The following RBM27 variants were observed in gnomAD, a reference collection of about 807,000 sequenced individuals.
RBM27 encodes RNA-binding protein 27.
A neutral mutation model predicts 135.3 loss-of-function variants in RBM27; 22 were observed. That is an observed-to-expected ratio of 0.16 (90% CI 0.12 to 0.23). The LOEUF (loss-of-function observed/expected upper bound fraction) is 0.23, where lower values mean the gene tolerates loss of function less well. RBM27 is among the 10% of genes least tolerant of loss of function. RBM27 has a pLI of 1.00. For missense variants in RBM27, 1,009 were observed against 1,281.0 expected, an observed-to-expected ratio of 0.79 and a Z score of 3.24; for synonymous variants, 481 against 442.4, an observed-to-expected ratio of 1.09 and a Z score of -1.10.
intron 3 of RBM27, among the ~76,000 whole-genome samples, chr5:146,225,243 T>C (rs1756621441): frequency 6.6e-6 from 1 of 152,186 alleles, no homozygotes; most frequent in Non-Finnish European, 1.5e-5. Context: ...AGTACAGGCA[T>C]GAGCCACTGC....
chr5:146,258,660 A>T, intron 11 of RBM27, 67 bp downstream of exon 11: 1 of 1,320,862 alleles, frequency 7.6e-7, no homozygotes, highest in Non-Finnish European at 9.9e-7. Context: ...ATTCATAAAA[A>T]TAAGATTTGT....
rs1483751700 is a variant in RBM27, at chr5:146,287,286, G to T, written c.*1256G>T. 6.6e-6 allele frequency: 1 copy of T among 152,158 alleles called. No homozygotes were observed. Among genetic ancestry groups the T allele is most frequent in the Non-Finnish European group, 1.5e-5 (1 of 67,996 alleles). The allele number at this position is 152,158 out of a possible 1,614,324, so 9.4% of individuals were successfully genotyped here. Reference sequence around the variant, plus strand: ...CTCAGTAGACAGTTTCCTTTACTGTGTGCATTTTTACTGTACACTGTATAG... The same window carrying T: ...CTCAGTAGACAGTTTCCTTTACTGTTTGCATTTTTACTGTACACTGTATAG... On this transcript the variant is annotated 3_prime_UTR_variant, in exon 21 of 21. Transcript: ENST00000265271.
At chr5:146,263,748 T>A in intron 14 of RBM27, 117 bp downstream of exon 14, 1 of 1,180,052 alleles carries the variant, frequency 8.5e-7, no homozygotes, top group Non-Finnish European at 1.2e-6. Flanking sequence ...GTGTGGCAGG[T>A]ATACCTCTCT....
chr5:146,271,824 T>A, intron 19 of RBM27, 150 bp downstream of exon 19: 1 of 655,244 alleles, frequency 1.5e-6, no homozygotes, highest in Non-Finnish European at 2.4e-6. Flanking sequence ...TTAATATATT[T>A]AAAAGTCAAG....
At chr5:146,204,060 A>G (rs2279895) in intron 1 of RBM27, among the ~76,000 whole-genome samples, 37,859 of 151,938 alleles carry the variant, frequency 0.25, 5,183 homozygotes, top group Admixed American at 0.34. Context: ...AGGACAGCGA[A>G]GGCTTTTCAA....
chr5:146,240,067 G>A (rs1757337757), intron 8 of RBM27, among the ~76,000 whole-genome samples: 1 of 152,092 alleles, frequency 6.6e-6, no homozygotes, highest in Admixed American at 6.5e-5. Flanking sequence ...GTGAGCCACT[G>A]TTCCTGGCCT....
intron 11 of RBM27, among the ~76,000 whole-genome samples, chr5:146,259,504 CA>C (rs35438348): frequency 0.27 from 16,912 of 61,848 alleles, 1,157 homozygotes; most frequent in Admixed American, 0.35. Flanking sequence ...AACTCTGTCT[CA>C]AAAAAAAAAA....
rs774833590 is a variant in RBM27, at chr5:146,229,960, C to T, written c.589+50C>T. ...AAACTCTGTAGTTATTTATCTGTCT[C>T]TATCACAGGGGTGCAAGAAATTCTC... On this transcript the variant is annotated intron_variant, in intron 5 of 20. Coordinates refer to ENST00000265271, the MANE Select transcript of RBM27 (RefSeq NM_018989.2). The T allele has an allele frequency of 8.2e-6, 13 of 1,593,970 alleles. No homozygotes were observed. The East Asian group carries it at 2.0e-4, about 25-fold the overall frequency.
chr5:146,237,338 C>G lies in RBM27; in HGVS notation c.1185C>G (p.Asp395Glu). The G allele has an allele frequency of 6.2e-7, 1 of 1,614,158 alleles. No individual in the cohort carries two copies. The highest frequency in any genetic ancestry group is 8.5e-7 in the Non-Finnish European group (1 of 1,180,016). The change falls in exon 8 of 21, where the codon GAC becomes GAG. Residue 395 changes from aspartate to glutamate, a missense_variant. By Grantham distance (45) the Asp-to-Glu change is conservative (BLOSUM62 2). Coordinates refer to ENST00000265271, the MANE Select transcript of RBM27 (RefSeq NM_018989.2). ...ITQSSLINSRDQPGTSAVPNL... is the reference protein window; with the variant it reads ...ITQSSLINSREQPGTSAVPNL... ...AATCAAGCTTGATAAACAGCCGTGA[C>G]CAGCCTGGGACAAGTGCAGTGCCCA...
At chr5:146,251,568 A>G in intron 8 of RBM27, 143 bp from the exon 9 acceptor site, 1 of 746,502 alleles carries the variant, frequency 1.3e-6, no homozygotes, top group Non-Finnish European at 2.2e-6. Flanking sequence ...AGTTAGAAAG[A>G]ATCCCAGGAA....
At chr5:146,264,841 G>C (rs1449383834) in intron 14 of RBM27, among the ~76,000 whole-genome samples, 1 of 152,132 alleles carries the variant, frequency 6.6e-6, no homozygotes, top group African/African-American at 2.4e-5. Context: ...AGTGGAACAG[G>C]TCAGTGGGGA....
chr5:146,241,702 G>A (rs1297111213), intron 8 of RBM27, among the ~76,000 whole-genome samples: 6 of 152,050 alleles, frequency 3.9e-5, no homozygotes, highest in East Asian at 1.9e-4. Flanking sequence ...CAAGTTATCC[G>A]CCCGCCTCGG....
Position 146,224,646 on chromosome 5 carries a change from C to T in RBM27, c.303+1119C>T, listed in dbSNP as rs543997695. 6.6e-5 allele frequency among the ~76,000 whole-genome samples: 10 copies of T among 152,140 alleles called. No homozygotes were observed. In the East Asian group the frequency reaches 1.9e-3, roughly 29 times the overall value. On this transcript the variant is annotated intron_variant, in intron 3 of 20. Transcript: ENST00000265271. ...GCAGTGAGCCGAGATCATACTGTTG[C>T]ACTCCAGCCTGGGCAATAAGAGCAA... is the stretch of plus-strand genomic sequence containing the variant.
At chr5:146,235,933 T>G (rs1202963446) in intron 7 of RBM27, among the ~76,000 whole-genome samples, 1 of 152,132 alleles carries the variant, frequency 6.6e-6, no homozygotes, top group African/African-American at 2.4e-5. Flanking sequence ...TCAAGCAGTT[T>G]GCTTGCCTCA....
At position 146,203,725 on chromosome 5, in the gene RBM27, G is replaced by T; in HGVS notation, c.-41G>T. ...GCGGCGTAGTGGAGACCCACGGCAG[G>T]CCTGAAGAAGAGCGGCGGCCGAGCC... On this transcript the variant is annotated 5_prime_UTR_variant, in exon 1 of 21. Transcript: ENST00000265271. 1 of 1,540,806 alleles carries T rather than the reference G, an allele frequency of 6.5e-7. No homozygotes were observed. Among genetic ancestry groups the T allele is most frequent in the Non-Finnish European group, 8.8e-7 (1 of 1,138,176 alleles).
chr5:146,267,864 G>A, intron 15 of RBM27, 96 bp downstream of exon 15: 2 of 1,242,726 alleles, frequency 1.6e-6, no homozygotes, highest in South Asian at 2.8e-5. Flanking sequence ...ATGTTGGCAG[G>A]GCATAACATC....
intron 1 of RBM27, among the ~76,000 whole-genome samples, chr5:146,207,338 C>T (rs1012748902): frequency 1.6e-4 from 25 of 151,804 alleles, no homozygotes; most frequent in Admixed American, 1.1e-3. Context: ...TTTAGCCTCC[C>T]GAGTAGCTGG....
At chr5:146,278,312 T>A (rs1759178589) in intron 19 of RBM27, among the ~76,000 whole-genome samples, 1 of 152,176 alleles carries the variant, frequency 6.6e-6, no homozygotes, top group African/African-American at 2.4e-5. Context: ...ATATAGTTGA[T>A]CTCATATTCA....
chr5:146,284,046 C>A (rs545673436), intron 19 of RBM27, among the ~76,000 whole-genome samples: 9 of 152,170 alleles, frequency 5.9e-5, no homozygotes, highest in Non-Finnish European at 8.8e-5. Flanking sequence ...AAATTAGTAC[C>A]AAGTAACATT....
Sources: allele counts gnomAD v4.1 joint callset (sites outside exome capture counted in the v4.1 genomes callset), GRCh38; gene constraint gnomAD v4.1.1; transcripts MANE v1.5; gene names NCBI Gene and HGNC (gene_info 2026-07-23, HGNC 2026-07-21).